The following PDE7B variants were observed in gnomAD, a reference collection of about 807,000 sequenced individuals.
The protein encoded by PDE7B is phosphodiesterase 7B.
In PDE7B, 29 loss-of-function variants were observed where a neutral mutation model predicts 56.2. That is an observed-to-expected ratio of 0.52 (90% CI 0.38 to 0.70). PDE7B has a LOEUF of 0.70. Among genes scored for constraint, PDE7B ranks in the 30% least tolerant of loss-of-function variants. The probability of loss-of-function intolerance (pLI) is 0.00; values close to 1 mark genes in which losing one functional copy is unlikely to be tolerated. For missense variants in PDE7B, 490 were observed against 565.0 expected, an observed-to-expected ratio of 0.87 and a Z score of 1.35; for synonymous variants, 197 against 196.9, an observed-to-expected ratio of 1.00 and a Z score of 0.00.
intron 2 of PDE7B, among the ~76,000 whole-genome samples, chr6:135,950,561 A>C (rs1392223982): frequency 1.3e-5 from 2 of 152,168 alleles, no homozygotes; most frequent in Non-Finnish European, 2.9e-5. Flanking sequence ...CAGATCCCTG[A>C]TGGGGACCAA....
At chr6:136,084,479 G>T (rs1214348671) in intron 2 of PDE7B, among the ~76,000 whole-genome samples, 1 of 152,070 alleles carries the variant, frequency 6.6e-6, no homozygotes, top group African/African-American at 2.4e-5. Flanking sequence ...ATTTTACACA[G>T]CCCAGTAGCA....
intron 2 of PDE7B, among the ~76,000 whole-genome samples, chr6:135,965,615 A>G (rs1583799933): frequency 6.6e-6 from 1 of 151,262 alleles, no homozygotes; most frequent in Non-Finnish European, 1.5e-5. Flanking sequence ...GTGCAGGGAA[A>G]CTCCCCTTTA....
At chr6:135,859,539 C>T (rs1775105037) in intron 1 of PDE7B, among the ~76,000 whole-genome samples, 1 of 152,058 alleles carries the variant, frequency 6.6e-6, no homozygotes, top group Admixed American at 6.6e-5. Flanking sequence ...ACATTCTAAA[C>T]TTTTCCCTAT....
intron 1 of PDE7B, among the ~76,000 whole-genome samples, chr6:135,944,404 G>C (rs1009420165): frequency 6.6e-6 from 1 of 152,128 alleles, no homozygotes; most frequent in Non-Finnish European, 1.5e-5. Flanking sequence ...AAAGAAACTG[G>C]TTTTTTTCAA....
At chr6:136,135,803 T>C (rs1055682173) in intron 3 of PDE7B, among the ~76,000 whole-genome samples, 32 of 152,070 alleles carry the variant, frequency 2.1e-4, no homozygotes, top group African/African-American at 7.0e-4. Flanking sequence ...AGTTATTAAA[T>C]TTGCTAAAAG....
chr6:135,933,783 T>C (rs923736631), intron 1 of PDE7B, among the ~76,000 whole-genome samples: 3 of 152,190 alleles, frequency 2.0e-5, no homozygotes, highest in African/African-American at 7.2e-5. Flanking sequence ...TAATGAAGTA[T>C]GATCTTCAAG....
chr6:136,025,765 A>C lies in PDE7B; in HGVS notation c.82+78241A>C, dbSNP rs543012109. On this transcript the variant is annotated intron_variant, in intron 2 of 12. Transcript: ENST00000308191. ...CAGACACAAGTCTGTCTTCAGCTTC[A>C]TCTCTGCATCTACTACCCCAGGACA... Among the ~76,000 whole-genome samples, 4 of 152,342 alleles carry C rather than the reference A, an allele frequency of 2.6e-5. No homozygotes were observed. The South Asian group carries it at 8.3e-4, about 32-fold the overall frequency.
chr6:135,980,684 T>C (rs1413680857), intron 2 of PDE7B, among the ~76,000 whole-genome samples: 3 of 151,118 alleles, frequency 2.0e-5, no homozygotes, highest in African/African-American at 4.9e-5. Context: ...CATGAAAAAA[T>C]GCTCACCATC....
intron 3 of PDE7B, among the ~76,000 whole-genome samples, chr6:136,113,079 T>G (rs1777774040): frequency 6.6e-6 from 1 of 152,218 alleles, no homozygotes; most frequent in African/African-American, 2.4e-5. Flanking sequence ...GCTTAAAAGA[T>G]CTATTGTATA....
At chr6:135,939,796 C>T (rs1457147086) in intron 1 of PDE7B, among the ~76,000 whole-genome samples, 2 of 152,118 alleles carry the variant, frequency 1.3e-5, no homozygotes, top group South Asian at 2.1e-4. Flanking sequence ...CATAGCCATT[C>T]TATAAGATAA....
intron 1 of PDE7B, among the ~76,000 whole-genome samples, chr6:135,903,210 G>A (rs1465108026): frequency 6.6e-6 from 1 of 152,168 alleles, no homozygotes; most frequent in African/African-American, 2.4e-5. Context: ...CCCAAACACT[G>A]TACTCAACAC....
chr6:136,156,192 T>C, intron 8 of PDE7B: 1 of 335,410 alleles, frequency 3.0e-6, no homozygotes, highest in African/African-American at 2.2e-5. Context: ...TGTGTGTGTG[T>C]GTGTGTGTGT....
chr6:136,110,295 C>A (rs1046255925), intron 3 of PDE7B, among the ~76,000 whole-genome samples: 3 of 152,062 alleles, frequency 2.0e-5, no homozygotes, highest in Admixed American at 6.6e-5. Flanking sequence ...TTCCTTATAC[C>A]CTGAATGGGC....
At chr6:136,045,589 C>A (rs768371822) in intron 2 of PDE7B, among the ~76,000 whole-genome samples, 1 of 152,026 alleles carries the variant, frequency 6.6e-6, no homozygotes, top group Non-Finnish European at 1.5e-5. Context: ...AACTTGTCAG[C>A]CTTGTATGCA....
chr6:136,002,076 C>T (rs1031769142), intron 2 of PDE7B, among the ~76,000 whole-genome samples: 2 of 152,158 alleles, frequency 1.3e-5, no homozygotes, highest in Non-Finnish European at 2.9e-5. Context: ...ATCTTCAACC[C>T]AGAATTTCAT....
At chr6:135,977,894 A>G (rs1404377535) in intron 2 of PDE7B, among the ~76,000 whole-genome samples, 1 of 152,144 alleles carries the variant, frequency 6.6e-6, no homozygotes, top group Non-Finnish European at 1.5e-5. Flanking sequence ...CACCAGCCTA[A>G]TAACTCCAAC....
At chr6:136,057,910 T>A (rs1265289463) in intron 2 of PDE7B, among the ~76,000 whole-genome samples, 1 of 152,166 alleles carries the variant, frequency 6.6e-6, no homozygotes, top group Non-Finnish European at 1.5e-5. Flanking sequence ...CTAATTTTTT[T>A]ATTTTTAGTA....
chr6:136,073,266 G>A (rs143545982), intron 2 of PDE7B, among the ~76,000 whole-genome samples: 111 of 152,278 alleles, frequency 7.3e-4, no homozygotes, highest in Middle Eastern at 3.4e-3. Flanking sequence ...GACAGGTCCT[G>A]GGGTAACAGA....
chr6:135,979,118 G>A (rs544546106), intron 2 of PDE7B, among the ~76,000 whole-genome samples: 1 of 151,974 alleles, frequency 6.6e-6, no homozygotes, highest in African/African-American at 2.4e-5. Flanking sequence ...GGCCTTTTCT[G>A]CATCTATTGA....
Sources: allele counts gnomAD v4.1 joint callset (sites outside exome capture counted in the v4.1 genomes callset), GRCh38; gene constraint gnomAD v4.1.1; transcripts MANE v1.5; gene names NCBI Gene and HGNC (gene_info 2026-07-23, HGNC 2026-07-21).